Variants in SARDH observed in about 807,000 individuals in gnomAD.
The protein encoded by SARDH is sarcosine dehydrogenase, also known as sarcosine dehydrogenase, mitochondrial.
SARDH carries 95 observed loss-of-function variants against 109.1 expected under a neutral mutation model. The ratio of observed to expected loss-of-function variants is 0.87; its 90% CI spans 0.74 to 1.03. The LOEUF (loss-of-function observed/expected upper bound fraction) is 1.03. SARDH is among the 50% of genes least tolerant of loss of function. The pLI is 0.00. For synonymous variants in SARDH, 572 were observed against 534.8 expected, an observed-to-expected ratio of 1.07 and a Z score of -0.96; for missense variants, 1,267 against 1,287.8, an observed-to-expected ratio of 0.98 and a Z score of 0.25.
chr9:133,733,921 G>A lies in SARDH; in HGVS notation c.253C>T (p.Leu85=). The stretch of plus-strand genomic sequence containing the variant: ...GCCCCACTCATGCCCAGCTTGGCCA[G>A]GTGGTACAGGGTCTGGCAGCCCAAG... ...GSLGCQTLYH[L]AKLGMSGAVL... The change falls in exon 2 of 21, where the codon CTG becomes TTG. Residue 85 remains leucine, a synonymous_variant. Transcript: ENST00000439388. 6.4e-7 allele frequency: 1 copy of A among 1,574,354 alleles called. No individual in the cohort carries two copies. The highest frequency in any genetic ancestry group is 2.3e-5 in the East Asian group (1 of 44,272).
intron 11 of SARDH, among the ~76,000 whole-genome samples, chr9:133,706,719 G>A (rs559959674): frequency 1.6e-4 from 24 of 152,284 alleles, no homozygotes; most frequent in Non-Finnish European, 2.8e-4. Flanking sequence ...ACCCACTCTC[G>A]GGTTTGGAAG....
Position 133,729,780 on chromosome 9 carries a change from G to A in SARDH, c.900C>T (p.Arg300=), listed in dbSNP as rs753639591. The change falls in exon 6 of 21, where the codon CGC becomes CGT. Residue 300 remains arginine, a synonymous_variant. Coordinates refer to ENST00000439388, the MANE Select transcript of SARDH (RefSeq NM_001134707.2). The stretch of plus-strand genomic sequence containing the variant: ...GTCCACCTACCTGAATCCCCTCGAT[G>A]CGCTCGGTGACGACATAGGCATGGT... ...AMHHAYVVTE[R]IEGIQNMPNV... 11 of 1,612,862 alleles carry A rather than the reference G, an allele frequency of 6.8e-6. No individual in the cohort carries two copies. Among genetic ancestry groups the A allele is most frequent in the Non-Finnish European group, 9.3e-6 (11 of 1,179,926 alleles).
chr9:133,735,429 T>C (rs945760979), intron 1 of SARDH, among the ~76,000 whole-genome samples: 7 of 152,114 alleles, frequency 4.6e-5, no homozygotes, highest in Admixed American at 3.9e-4. Context: ...ACAATGAGAA[T>C]GCAAGAGGGA....
chr9:133,733,261 A>G (rs1832749466), intron 2 of SARDH, among the ~76,000 whole-genome samples: 1 of 152,158 alleles, frequency 6.6e-6, no homozygotes, highest in Non-Finnish European at 1.5e-5. Context: ...GGCTTTTGCT[A>G]TTGGCCAGGG....
At chr9:133,736,148 C>A (rs919630154) in intron 1 of SARDH, among the ~76,000 whole-genome samples, 6 of 152,178 alleles carry the variant, frequency 3.9e-5, no homozygotes, top group African/African-American at 1.4e-4. Context: ...GCCTAGTAAC[C>A]TCTTCCTCTC....
chr9:133,726,219 T>C (rs904291903), intron 6 of SARDH, among the ~76,000 whole-genome samples: 1 of 151,024 alleles, frequency 6.6e-6, no homozygotes, highest in African/African-American at 2.4e-5. Flanking sequence ...AATACAAAAA[T>C]TAGCCAGGAG....
At chr9:133,688,414 C>T (rs949304880) in intron 16 of SARDH, among the ~76,000 whole-genome samples, 7 of 151,864 alleles carry the variant, frequency 4.6e-5, no homozygotes, top group Non-Finnish European at 1.0e-4. Context: ...ACCACCACAA[C>T]GCCAAACCCT....
At chr9:133,714,517 G>A (rs1832048465) in intron 8 of SARDH, among the ~76,000 whole-genome samples, 1 of 152,230 alleles carries the variant, frequency 6.6e-6, no homozygotes, top group South Asian at 2.1e-4. Context: ...AGTGGCTCAC[G>A]CCTGTAATCC....
intron 14 of SARDH, 152 bp downstream of exon 14, chr9:133,696,071 G>C (rs1413892395): frequency 2.7e-6 from 2 of 739,990 alleles, no homozygotes; most frequent in East Asian, 6.1e-5. Flanking sequence ...GGCAAAGGGG[G>C]CCGGACGGGG....
chr9:133,689,534 A>G (rs1831017231), intron 16 of SARDH, among the ~76,000 whole-genome samples: 1 of 152,180 alleles, frequency 6.6e-6, no homozygotes, highest in Non-Finnish European at 1.5e-5. Flanking sequence ...ACGCATCCCC[A>G]TCAGCCCTGG....
chr9:133,688,063 C>A (rs528201512), intron 16 of SARDH, among the ~76,000 whole-genome samples: 8 of 152,308 alleles, frequency 5.3e-5, no homozygotes, highest in East Asian at 3.9e-4. Flanking sequence ...CTGCCTCCCC[C>A]ACACTAAAAA....
chr9:133,664,218 G>A (rs1435779704), intron 20 of SARDH, among the ~76,000 whole-genome samples: 1 of 152,226 alleles, frequency 6.6e-6, no homozygotes, highest in Non-Finnish European at 1.5e-5. Context: ...GTTGGACATG[G>A]GCATCTGGGG....
chr9:133,676,339 G>GA (rs1830510811), intron 17 of SARDH, among the ~76,000 whole-genome samples: 1 of 152,214 alleles, frequency 6.6e-6, no homozygotes, highest in Non-Finnish European at 1.5e-5. Flanking sequence ...GAGCAGAATG[G>GA]AGGGCACAGG....
intron 6 of SARDH, among the ~76,000 whole-genome samples, chr9:133,729,451 A>G (rs981902614): frequency 6.6e-6 from 1 of 152,174 alleles, no homozygotes; most frequent in Non-Finnish European, 1.5e-5. Context: ...TCCTGGGCAC[A>G]GAACATGGCA....
rs553393798 is a variant in SARDH, at chr9:133,718,765, G to A, written c.1020+173C>T. ...GGGTCTGTATTTGACTGCCTGCCAG[G>A]ACCGTCAGGGTAAGAGCAAGATGGC... On this transcript the variant is annotated intron_variant, in intron 7 of 20. Coordinates refer to ENST00000439388, the MANE Select transcript of SARDH (RefSeq NM_001134707.2). The surrounding 1 kb of genome is among the most constrained non-coding windows in gnomAD (Gnocchi z 4.2). 2 of 782,318 alleles carry A rather than the reference G, an allele frequency of 2.6e-6. No homozygotes were observed. The highest frequency in any genetic ancestry group is 4.9e-5 in the East Asian group (2 of 40,728). The allele number at this position is 782,318 out of a possible 1,614,324, so 48.5% of individuals were successfully genotyped here.
At chr9:133,715,948 T>A (rs1832105520) in intron 8 of SARDH, among the ~76,000 whole-genome samples, 1 of 152,254 alleles carries the variant, frequency 6.6e-6, no homozygotes, top group South Asian at 2.1e-4. Flanking sequence ...TGTGTCTTCC[T>A]GAACCTCTCT....
chr9:133,666,791 A>C lies in SARDH; in HGVS notation c.2575T>G (p.Phe859Val). Reference protein sequence around the residue: ...VGHVRRADFGFAIDKTIAYGY... With the variant: ...VGHVRRADFGVAIDKTIAYGY... ...TAGGCGATGGTCTTGTCGATGGCGA[A>C]CCCAAAGTCAGCCCTCCGGACATGG... The change falls in exon 20 of 21, where the codon TTC (phenylalanine) becomes GTC (valine). Residue 859 changes from phenylalanine to valine, a missense_variant. Coordinates refer to ENST00000439388, the MANE Select transcript of SARDH (RefSeq NM_001134707.2). The surrounding 1 kb of genome is among the most constrained non-coding windows in gnomAD (Gnocchi z 5.2). The C allele has an allele frequency of 6.2e-7, 1 of 1,605,568 alleles. No individual in the cohort carries two copies. The highest frequency in any genetic ancestry group is 8.5e-7 in the Non-Finnish European group (1 of 1,176,326).
downstream of SARDH, among the ~76,000 whole-genome samples, chr9:133,661,359 C>A (rs112975911): frequency 0.023 from 3,424 of 148,642 alleles, 140 homozygotes; most frequent in African/African-American, 0.078. Flanking sequence ...ACAACAACAA[C>A]AAAAAAAAAC....
intron 13 of SARDH, among the ~76,000 whole-genome samples, chr9:133,698,408 T>C (rs1287984075): frequency 6.6e-6 from 1 of 152,176 alleles, no homozygotes; most frequent in African/African-American, 2.4e-5. Context: ...TTTGCAGAAA[T>C]TGACTAGCCA....
Sources: allele counts gnomAD v4.1 joint callset (sites outside exome capture counted in the v4.1 genomes callset), GRCh38; gene constraint gnomAD v4.1.1; non-coding constraint Gnocchi (gnomAD v3.1); transcripts MANE v1.5; gene names NCBI Gene and HGNC (gene_info 2026-07-23, HGNC 2026-07-21).